C1QTNF6: variants seen among roughly 807,000 people sequenced by gnomAD.
C1QTNF6 encodes the protein complement C1q tumor necrosis factor-related protein 6.
C1QTNF6 carries 17 observed loss-of-function variants against 20.7 expected under a neutral mutation model. The ratio of observed to expected loss-of-function variants is 0.82; its 90% confidence interval spans 0.56 to 1.23. The LOEUF is 1.23. C1QTNF6 is among the 50% of genes most tolerant of loss of function. C1QTNF6 has a pLI of 0.00. For synonymous variants in C1QTNF6, 130 were observed against 156.3 expected (o/e 0.83, Z 1.25); for missense variants, 329 against 389.7 (o/e 0.84, Z 1.31).
At position 37,184,136 on chromosome 22, in the gene C1QTNF6, G is replaced by C. The variant is rs1307449541; in HGVS notation, c.289+1082C>G. Among the ~76,000 whole-genome samples, 1 of 152,102 alleles carries C rather than the reference G, an allele frequency of 6.6e-6. No homozygotes were observed. The highest frequency in any genetic ancestry group is 1.5e-5 in the Non-Finnish European group (1 of 68,016). On this transcript the variant is annotated intron_variant, in intron 2 of 2. Coordinates refer to ENST00000337843, the MANE Select transcript of C1QTNF6 (RefSeq NM_031910.4). The surrounding 1 kb of genome is among the most constrained non-coding windows in gnomAD (Gnocchi z 4.0). ...GTCAGCCCTGGGGAAGCTGGGTGGG[G>C]AGGGGGGTGTGAGGAAGAGCAACGT...
In C1QTNF6 at chr22:37,181,799, T is replaced by C. The variant is rs747430497; in HGVS notation, c.*389A>G. On this transcript the variant is annotated 3_prime_UTR_variant, in exon 3 of 3. Coordinates refer to ENST00000337843, the MANE Select transcript of C1QTNF6 (RefSeq NM_031910.4). ...AACCTGGTTGCTCCAGTGTGGTTCA[T>C]AGACTGACCCCATCAGCATCACCCA... The C allele has an allele frequency of 4.3e-6, 1 of 229,994 alleles. No homozygotes were observed. The highest frequency in any genetic ancestry group is 7.7e-5 in the South Asian group (1 of 13,062). The allele number at this position is 229,994 out of a possible 1,614,324, so 14.2% of individuals were successfully genotyped here.
At chr22:37,193,577 GCTGA>G (rs1380745013) in intron 2 of C1QTNF6, among the ~76,000 whole-genome samples, 2 of 152,184 alleles carry the variant, frequency 1.3e-5, no homozygotes, top group Non-Finnish European at 2.9e-5. Context: ...TTTTAATTAA[GCTGA>G]CTTTTAACCA....
upstream of C1QTNF6, chr22:37,188,460 T>C (rs528712141): frequency 4.8e-6 from 2 of 416,616 alleles, no homozygotes; most frequent in East Asian, 7.7e-5. Flanking sequence ...CAGTGGGGTC[T>C]TGCTTGATTC....
At chr22:37,192,764 A>G (rs1378291521), upstream of C1QTNF6, among the ~76,000 whole-genome samples, 2 of 152,214 alleles carry the variant, frequency 1.3e-5, no homozygotes, top group Admixed American at 1.3e-4. Context: ...TCATATATCA[A>G]CATCACACAC....
chr22:37,188,256 G>A (rs1386905725), upstream of C1QTNF6: 1 of 1,532,508 alleles, frequency 6.5e-7, no homozygotes, highest in Non-Finnish European at 8.9e-7. Flanking sequence ...CTAACTTGTT[G>A]CTGGCCCAGA....
At chr22:37,185,684 C>T (rs1924262858) in intron 1 of C1QTNF6, 2 of 1,231,434 alleles carry the variant, frequency 1.6e-6, no homozygotes, top group Non-Finnish European at 2.0e-6. Context: ...TGCTGAGTCT[C>T]CGGGCACCCA....
intron 1 of C1QTNF6, chr22:37,186,028 G>A: frequency 2.7e-5 from 27 of 985,568 alleles, no homozygotes; most frequent in Non-Finnish European, 3.3e-5. Flanking sequence ...CCATGCTTTG[G>A]TGTGAGAACA....
At chr22:37,190,435 C>T (rs1293563196), upstream of C1QTNF6, 1 of 152,206 alleles carries the variant, frequency 6.6e-6, no homozygotes, top group Admixed American at 6.5e-5. Flanking sequence ...ATAAATTCCT[C>T]TCCTCTTGAG....
In C1QTNF6 at chr22:37,181,105, A is replaced by T. The variant is rs5756539; in HGVS notation, c.*1083T>A. ...GAGCAGTGGGTAATGGAGGACCAGC[A>T]GCACCTGAACACCCAGAACACAGGC... On this transcript the variant is annotated 3_prime_UTR_variant, in exon 3 of 3. Transcript: ENST00000337843. 0.2 allele frequency: 30,248 copies of T among 152,506 alleles called. 3,250 individuals are homozygous for T. The highest frequency in any genetic ancestry group is 0.47 in the East Asian group (2,413 of 5,168). The allele number at this position is 152,506 out of a possible 1,614,324, so 9.4% of individuals were successfully genotyped here.
intron 1 of C1QTNF6, among the ~76,000 whole-genome samples, chr22:37,186,271 T>C (rs1924332097): frequency 6.6e-6 from 1 of 152,204 alleles, no homozygotes; most frequent in South Asian, 2.1e-4. Flanking sequence ...AGAGTCCCCG[T>C]TGGAGGGACG....
intron 1 of C1QTNF6, chr22:37,185,788 T>C (rs1474284470): frequency 2.9e-6 from 3 of 1,022,578 alleles, no homozygotes; most frequent in Non-Finnish European, 3.5e-6. Context: ...CCCAGGAAGC[T>C]TTGCTGGGGC....
chr22:37,189,845 G>T (rs563046678), upstream of C1QTNF6, among the ~76,000 whole-genome samples: 2 of 152,336 alleles, frequency 1.3e-5, no homozygotes, highest in Admixed American at 1.3e-4. Context: ...GGCTTTCCAT[G>T]AACTGGGCAA....
chr22:37,199,116 C>T (rs71317032), upstream of C1QTNF6, among the ~76,000 whole-genome samples: 35,791 of 152,188 alleles, frequency 0.24, 4,679 homozygotes, highest in Non-Finnish European at 0.3. Context: ...CAGCAACTTC[C>T]TCCCCCGACA....
chr22:37,191,793 C>T (rs1245264965), upstream of C1QTNF6: 2 of 152,116 alleles, frequency 1.3e-5, no homozygotes, highest in Admixed American at 6.5e-5. Context: ...ACATGAAAAA[C>T]TTGTTCAAGA....
At chr22:37,185,689 C>A (rs922613696) in intron 1 of C1QTNF6, 2 of 1,221,830 alleles carry the variant, frequency 1.6e-6, no homozygotes, top group African/African-American at 1.6e-5. Context: ...AGTCTCCGGG[C>A]ACCCAGTCCA....
upstream of C1QTNF6, chr22:37,190,682 T>C (rs1924760360): frequency 7.0e-6 from 1 of 142,532 alleles, no homozygotes; most frequent in Non-Finnish European, 1.5e-5. Flanking sequence ...TGTGTCCTGT[T>C]ACAAAAAAAA....
chr22:37,188,586 G>A, upstream of C1QTNF6: 1 of 189,816 alleles, frequency 5.3e-6, no homozygotes, highest in Admixed American at 6.1e-5. Context: ...AGGCAGCCCT[G>A]AGTCCACCCT....
chr22:37,198,883 G>A (rs1462755622), upstream of C1QTNF6, among the ~76,000 whole-genome samples: 1 of 149,560 alleles, frequency 6.7e-6, no homozygotes, highest in Non-Finnish European at 1.5e-5. Context: ...ACGTTGAACC[G>A]CCCAGGGGCC....
At chr22:37,199,318 C>A (rs1049093381), upstream of C1QTNF6, 3 of 152,340 alleles carry the variant, frequency 2.0e-5, no homozygotes, top group Non-Finnish European at 4.4e-5. Context: ...CAAGCGGAAC[C>A]CCTACATCCA....
Sources: gnomAD v4.1 joint callset for allele counts (sites outside exome capture counted in the v4.1 genomes callset) on GRCh38, gnomAD v4.1.1 for gene constraint, Gnocchi (gnomAD v3.1) non-coding constraint, MANE v1.5 for transcripts, NCBI Gene and HGNC (gene_info 2026-07-23, HGNC 2026-07-21) for gene names.